Variants in PHACTR1 observed in about 807,000 individuals in gnomAD.
PHACTR1 encodes the protein phosphatase and actin regulator 1, also known as RPEL repeat containing 1.
A neutral mutation model predicts 69.2 loss-of-function variants in PHACTR1; 16 were observed. The observed-to-expected ratio is 0.23, with a 90% CI of 0.16 to 0.35. The LOEUF (loss-of-function observed/expected upper bound fraction) is 0.35, where lower values mean the gene tolerates loss of function less well. Ranked by LOEUF, PHACTR1 falls within the 10% of genes least tolerant of loss-of-function variation. The pLI, the probability that PHACTR1 is intolerant of heterozygous loss-of-function variation, is 1.00. For synonymous variants in PHACTR1, 312 were observed against 284.5 expected, an observed-to-expected ratio of 1.10 and a Z score of -0.97; for missense variants, 510 against 734.7, an observed-to-expected ratio of 0.69 and a Z score of 3.54.
intron 5 of PHACTR1, among the ~76,000 whole-genome samples, chr6:13,056,243 A>G (rs1457602757): frequency 6.6e-6 from 1 of 152,200 alleles, no homozygotes; most frequent in South Asian, 2.1e-4. Flanking sequence ...CCTCATCTCT[A>G]CAAAACATAA....
chr6:12,827,040 G>A (rs774627147), intron 4 of PHACTR1, among the ~76,000 whole-genome samples: 29 of 152,244 alleles, frequency 1.9e-4, no homozygotes, highest in Admixed American at 6.5e-4. Flanking sequence ...TCCCTCACTC[G>A]TTATCGTCCT....
intron 12 of PHACTR1, among the ~76,000 whole-genome samples, chr6:13,279,008 C>T: frequency 6.8e-6 from 1 of 146,194 alleles, no homozygotes; most frequent in African/African-American, 2.5e-5. Context: ...CAATTATTTG[C>T]TATGACCCTG....
At chr6:12,987,079 A>T (rs1406164121) in intron 4 of PHACTR1, among the ~76,000 whole-genome samples, 2 of 152,248 alleles carry the variant, frequency 1.3e-5, no homozygotes, top group Non-Finnish European at 2.9e-5. Context: ...GTATACACAT[A>T]TAAGTGTATA....
Position 13,245,806 on chromosome 6 carries a change from A to G in PHACTR1, c.1391+15613A>G, listed in dbSNP as rs893031253. 1.3e-5 allele frequency among the ~76,000 whole-genome samples: 2 copies of G among 152,130 alleles called. No individual in the cohort carries two copies. The highest frequency in any genetic ancestry group is 4.8e-5 in the African/African-American group (2 of 41,438). On this transcript the variant is annotated intron_variant, in intron 10 of 14. Transcript: ENST00000332995. This position sits in a 1 kb window ranked among gnomAD's most constrained non-coding sequence, Gnocchi z 4.1. ...TTTTAGGTTTTAAGTCTTTTAATCT[A>G]TCTCGAGTTGATTTTTGTATATGGT...
intron 4 of PHACTR1, among the ~76,000 whole-genome samples, chr6:12,949,406 A>G (rs1304502339): frequency 6.6e-6 from 1 of 152,218 alleles, no homozygotes; most frequent in African/African-American, 2.4e-5. Context: ...TAGTAACTCA[A>G]GGGCAACATC....
intron 8 of PHACTR1, among the ~76,000 whole-genome samples, chr6:13,218,364 C>T (rs1318923548): frequency 6.6e-6 from 1 of 152,162 alleles, no homozygotes; most frequent in African/African-American, 2.4e-5. Context: ...TTACAAAGCC[C>T]CCTTGAAAAG....
rs114793414 is a variant in PHACTR1 at position 13,132,347 on chromosome 6, T to G, written c.416-27857T>G. 9.1e-3 allele frequency among the ~76,000 whole-genome samples: 1,382 copies of G among 152,332 alleles called. 12 individuals are homozygous for G. The highest frequency in any genetic ancestry group is 0.016 in the Non-Finnish European group (1,060 of 68,030). On this transcript the variant is annotated intron_variant, in intron 5 of 14. Transcript: ENST00000332995. ...CCTCCTCTAAGCCCATAGCAGCCCC[T>G]AGTCTCTCTTCTCATCACATGGCCC...
chr6:12,720,402 G>A (rs1284839297), intron 3 of PHACTR1, among the ~76,000 whole-genome samples: 3 of 152,220 alleles, frequency 2.0e-5, no homozygotes, highest in East Asian at 1.9e-4. Context: ...TAAGAAGACC[G>A]TGGGCTCCAA....
Position 12,758,035 on chromosome 6 carries a change from C to T in PHACTR1, c.250+8245C>T, listed in dbSNP as rs142714162. 3.2e-3 allele frequency among the ~76,000 whole-genome samples: 492 copies of T among 151,678 alleles called. 2 individuals are homozygous for T. The highest frequency in any genetic ancestry group is 0.024 in the Middle Eastern group (7 of 292). ...GCTGAGGCAGGATAATTGCTTGAACCCGAGAGGCGGAGGTTACAGTGAGCC... is the reference window on the plus strand; with the variant it reads ...GCTGAGGCAGGATAATTGCTTGAACTCGAGAGGCGGAGGTTACAGTGAGCC... On this transcript the variant is annotated intron_variant, in intron 4 of 14. Transcript: ENST00000332995.
intron 4 of PHACTR1, among the ~76,000 whole-genome samples, chr6:12,845,749 G>A (rs981578075): frequency 5.3e-5 from 8 of 152,054 alleles, no homozygotes; most frequent in African/African-American, 1.7e-4. Context: ...GTGCACATGC[G>A]TCCCTGCAAT....
chr6:12,881,740 T>C (rs963720510), intron 4 of PHACTR1, among the ~76,000 whole-genome samples: 2 of 152,134 alleles, frequency 1.3e-5, no homozygotes, highest in African/African-American at 4.8e-5. Context: ...GGACTCGCGA[T>C]GTCCTAAGTA....
chr6:12,998,896 T>C (rs1797758221), intron 4 of PHACTR1, among the ~76,000 whole-genome samples: 2 of 152,104 alleles, frequency 1.3e-5, no homozygotes, highest in African/African-American at 4.8e-5. Flanking sequence ...TAAAAGGTAA[T>C]CAAGATATAG....
At chr6:13,035,989 C>T (rs1217844039) in intron 4 of PHACTR1, among the ~76,000 whole-genome samples, 2 of 152,110 alleles carry the variant, frequency 1.3e-5, no homozygotes, top group African/African-American at 4.8e-5. Flanking sequence ...CATGCTAACT[C>T]CATTGCTAAA....
chr6:13,133,720 G>A (rs1462039441), intron 5 of PHACTR1, among the ~76,000 whole-genome samples: 13 of 151,926 alleles, frequency 8.6e-5, no homozygotes, highest in Non-Finnish European at 5.9e-5. Flanking sequence ...CTGCCACCCC[G>A]TCTGGGAAGT....
intron 4 of PHACTR1, among the ~76,000 whole-genome samples, chr6:12,762,237 T>G (rs553845655): frequency 6.6e-6 from 1 of 152,208 alleles, no homozygotes; most frequent in Non-Finnish European, 1.5e-5. Context: ...TCTTTGAGTT[T>G]TACAGTTTAG....
intron 4 of PHACTR1, among the ~76,000 whole-genome samples, chr6:12,975,147 T>C (rs924043807): frequency 6.6e-6 from 1 of 152,154 alleles, no homozygotes; most frequent in Non-Finnish European, 1.5e-5. Context: ...GTATGGGAAA[T>C]GAATATTAAA....
intron 8 of PHACTR1, among the ~76,000 whole-genome samples, chr6:13,213,074 C>T (rs370259172): frequency 6.7e-6 from 1 of 150,220 alleles, no homozygotes; most frequent in Non-Finnish European, 1.5e-5. Context: ...TACAACAGGG[C>T]CTGGCTTATA....
intron 5 of PHACTR1, among the ~76,000 whole-genome samples, chr6:13,147,170 C>G (rs1351380056): frequency 6.6e-6 from 1 of 152,172 alleles, no homozygotes; most frequent in East Asian, 1.9e-4. Flanking sequence ...TTACCACGTT[C>G]CCATAATAAG....
chr6:12,856,716 G>A (rs779839606), intron 4 of PHACTR1, among the ~76,000 whole-genome samples: 3 of 152,142 alleles, frequency 2.0e-5, no homozygotes, highest in African/African-American at 4.8e-5. Flanking sequence ...AAGATCCTGC[G>A]TTCCCTGATC....
Sources: gnomAD v4.1 joint callset for allele counts (sites outside exome capture counted in the v4.1 genomes callset) on GRCh38, gnomAD v4.1.1 for gene constraint, Gnocchi (gnomAD v3.1) non-coding constraint, MANE v1.5 for transcripts, NCBI Gene and HGNC (gene_info 2026-07-23, HGNC 2026-07-21) for gene names.